The following CDH18 variants were observed in gnomAD, a reference collection of about 807,000 sequenced individuals.
CDH18 encodes the protein cadherin-18.
A neutral mutation model predicts 67.9 loss-of-function variants in CDH18; 31 were observed. The observed-to-expected ratio is 0.46, with a 90% CI of 0.34 to 0.62. CDH18 has a LOEUF of 0.62. CDH18 is among the 20% of genes least tolerant of loss of function. The probability of loss-of-function intolerance (pLI) is 0.01; values close to 1 mark genes in which losing one functional copy is unlikely to be tolerated. For synonymous variants in CDH18, 362 were observed against 347.2 expected (o/e 1.04, Z -0.48); for missense variants, 890 against 975.5 (o/e 0.91, Z 1.17).
intron 1 of CDH18, among the ~76,000 whole-genome samples, chr5:20,376,878 G>A (rs988438263): frequency 6.6e-6 from 1 of 152,078 alleles, no homozygotes; most frequent in Non-Finnish European, 1.5e-5. Context: ...TTAGCCGGGC[G>A]TGGTGGCAGG....
At chr5:19,602,901 G>T (rs1159219662) in intron 6 of CDH18, among the ~76,000 whole-genome samples, 1 of 152,016 alleles carries the variant, frequency 6.6e-6, no homozygotes, top group Non-Finnish European at 1.5e-5. Context: ...GGAGGCGGAG[G>T]GTGCAGTGAG....
intron 2 of CDH18, among the ~76,000 whole-genome samples, chr5:20,135,444 T>C (rs1328965910): frequency 2.0e-5 from 3 of 152,314 alleles, no homozygotes; most frequent in African/African-American, 7.2e-5. Flanking sequence ...ATATACCTTT[T>C]ATCATTTTTT....
At chr5:19,710,316 G>T (rs926116182) in intron 5 of CDH18, among the ~76,000 whole-genome samples, 2 of 152,030 alleles carry the variant, frequency 1.3e-5, no homozygotes, top group Non-Finnish European at 2.9e-5. Flanking sequence ...CCCAAAGTCA[G>T]ATTTTATTTC....
chr5:20,519,942 CTTTTTTTTTTTTTTT>C (rs777265512), intron 1 of CDH18, among the ~76,000 whole-genome samples: 5 of 41,684 alleles, frequency 1.2e-4, no homozygotes, highest in East Asian at 6.2e-4. Flanking sequence ...ACAGTCTTGG[CTTTTTTTTTTTTTTT>C]TTTTTTTTTT....
intron 1 of CDH18, among the ~76,000 whole-genome samples, chr5:20,273,582 G>C (rs1398233177): frequency 1.3e-5 from 2 of 151,908 alleles, no homozygotes; most frequent in African/African-American, 4.8e-5. Flanking sequence ...GTTTAGTGTG[G>C]CATCTAGGTT....
intron 2 of CDH18, among the ~76,000 whole-genome samples, chr5:20,026,523 A>G (rs1738915684): frequency 6.6e-6 from 1 of 152,186 alleles, no homozygotes; most frequent in Admixed American, 6.5e-5. Context: ...ATTTCCCGCC[A>G]TATAGCAAAA....
chr5:19,695,148 GA>G (rs1762382569), intron 5 of CDH18, among the ~76,000 whole-genome samples: 1 of 152,022 alleles, frequency 6.6e-6, no homozygotes, highest in African/African-American at 2.4e-5. Flanking sequence ...TGAAAGGGGG[GA>G]TGGGAAATAG....
intron 2 of CDH18, among the ~76,000 whole-genome samples, chr5:19,941,983 C>T (rs1209447938): frequency 6.6e-6 from 1 of 152,082 alleles, no homozygotes; most frequent in African/African-American, 2.4e-5. Flanking sequence ...TTCAAGTTGA[C>T]CTTCTGGAGC....
At chr5:20,225,020 C>G (rs116672364) in intron 2 of CDH18, among the ~76,000 whole-genome samples, 1,996 of 152,104 alleles carry the variant, frequency 0.013, 33 homozygotes, top group African/African-American at 0.044. Flanking sequence ...GCTACTTAAA[C>G]GTGCAAAGTA....
chr5:20,211,566 C>A (rs2126383512), intron 2 of CDH18, among the ~76,000 whole-genome samples: 1 of 152,268 alleles, frequency 6.6e-6, no homozygotes, highest in African/African-American at 2.4e-5. Flanking sequence ...GATCAGGCAG[C>A]AACATTTGCT....
intron 2 of CDH18, among the ~76,000 whole-genome samples, chr5:20,051,682 A>C (rs112815235): frequency 6.6e-5 from 10 of 152,056 alleles, no homozygotes; most frequent in Admixed American, 2.6e-4. Flanking sequence ...ATGGAGAATG[A>C]TAATTTAAAG....
At chr5:19,570,481 C>T (rs192165023) in intron 8 of CDH18, among the ~76,000 whole-genome samples, 217 of 152,112 alleles carry the variant, frequency 1.4e-3, no homozygotes, top group South Asian at 2.5e-3. Flanking sequence ...AACAGTCATG[C>T]TTATGAAAAA....
At chr5:19,517,713 T>C (rs187960076) in intron 10 of CDH18, among the ~76,000 whole-genome samples, 1 of 152,270 alleles carries the variant, frequency 6.6e-6, no homozygotes, top group Non-Finnish European at 1.5e-5. Flanking sequence ...CAATTTGGAA[T>C]AACTTTCAGC....
intron 1 of CDH18, among the ~76,000 whole-genome samples, chr5:20,282,330 G>A (rs1056953880): frequency 5.9e-5 from 9 of 152,148 alleles, no homozygotes; most frequent in Non-Finnish European, 8.8e-5. Flanking sequence ...TGCCCATTCA[G>A]TATGATATTG....
At chr5:20,212,649 A>G (rs1264116033) in intron 2 of CDH18, among the ~76,000 whole-genome samples, 1 of 152,080 alleles carries the variant, frequency 6.6e-6, no homozygotes, top group Admixed American at 6.6e-5. Flanking sequence ...AGAATTTTCA[A>G]CCCACAAATT....
intron 2 of CDH18, among the ~76,000 whole-genome samples, chr5:20,117,322 A>T (rs1748006940): frequency 6.6e-6 from 1 of 152,164 alleles, no homozygotes; most frequent in South Asian, 2.1e-4. Context: ...TGATAAACAA[A>T]GTATGCCAAG....
intron 2 of CDH18, among the ~76,000 whole-genome samples, chr5:19,868,280 T>A (rs989906706): frequency 7.2e-5 from 11 of 152,268 alleles, no homozygotes; most frequent in Middle Eastern, 3.4e-3. Flanking sequence ...CCACCCCCTA[T>A]CTCTGTGGGG....
rs148831482 is a variant in CDH18 at position 20,110,093 on chromosome 5, A to G, written c.-517-118079T>C. On this transcript the variant is annotated intron_variant, in intron 2 of 14. Transcript: ENST00000507958. ...TTCTCTCTCTGAGCTTACCCTCTAC[A>G]TGCCTTTGAAAAATCATAAAGAAAA... Among the ~76,000 whole-genome samples the G allele has an allele frequency of 6.3e-4, 96 of 152,324 alleles. No homozygotes were observed. In the South Asian group the frequency reaches 0.017, roughly 27 times the overall value.
chr5:20,460,433 AAATAAAT>A (rs1751177232), intron 1 of CDH18, among the ~76,000 whole-genome samples: 3 of 142,706 alleles, frequency 2.1e-5, no homozygotes, highest in Non-Finnish European at 3.0e-5. Flanking sequence ...ATAAATAAAT[AAATAAAT>A]AAAATATGTT....
Sources: allele counts gnomAD v4.1 joint callset (sites outside exome capture counted in the v4.1 genomes callset), GRCh38; gene constraint gnomAD v4.1.1; transcripts MANE v1.5; gene names NCBI Gene and HGNC (gene_info 2026-07-23, HGNC 2026-07-21).